Variants in NPAS3 observed in about 807,000 individuals in gnomAD.
NPAS3 encodes neuronal PAS domain-containing protein 3.
NPAS3 carries 14 observed loss-of-function variants against 73.1 expected under a neutral mutation model. The ratio of observed to expected loss-of-function variants is 0.19; its 90% CI spans 0.13 to 0.30. The LOEUF (loss-of-function observed/expected upper bound fraction) is 0.30. Ranked by LOEUF, NPAS3 falls within the 10% of genes least tolerant of loss-of-function variation. The pLI is 1.00. For synonymous variants in NPAS3, 620 were observed against 541.5 expected (o/e 1.14, Z -2.01); for missense variants, 1,096 against 1,250.0 (o/e 0.88, Z 1.86).
In NPAS3 at chr14:33,441,491, C is replaced by T. The variant is rs191494207; in HGVS notation, c.468+74223C>T. On this transcript the variant is annotated intron_variant, in intron 4 of 11. Coordinates refer to ENST00000356141, the Ensembl canonical transcript of NPAS3. Reference sequence around the variant, plus strand: ...CCTTGGAAATCTTATTGATCAAAATCATCCAACTGCTGTTTGAATATTTCC... The same window carrying T: ...CCTTGGAAATCTTATTGATCAAAATTATCCAACTGCTGTTTGAATATTTCC... 8.8e-4 allele frequency among the ~76,000 whole-genome samples: 134 copies of T among 152,310 alleles called. 1 individual carries two copies. The highest frequency in any genetic ancestry group is 2.6e-4 in the Non-Finnish European group (18 of 68,024).
chr14:33,790,089 C>CTG, intron 9 of NPAS3, among the ~76,000 whole-genome samples: 1 of 152,176 alleles, frequency 6.6e-6, no homozygotes, highest in Admixed American at 6.5e-5. Context: ...ATTAGAATCT[C>CTG]TCCTTCTAGT....
At chr14:33,780,412 A>C (rs1321171732) in intron 9 of NPAS3, among the ~76,000 whole-genome samples, 1 of 152,242 alleles carries the variant, frequency 6.6e-6, no homozygotes, top group Non-Finnish European at 1.5e-5. Context: ...TTTTGGAATA[A>C]TACAGGCTAG....
intron 3 of NPAS3, among the ~76,000 whole-genome samples, chr14:33,341,783 T>TA (rs2044496035): frequency 6.6e-6 from 1 of 152,324 alleles, no homozygotes; most frequent in Middle Eastern, 3.4e-3. Context: ...AGATTCCATG[T>TA]AGCACAGTTA....
chr14:33,199,309 CTT>C (rs1223296858), intron 2 of NPAS3, among the ~76,000 whole-genome samples: 3 of 152,334 alleles, frequency 2.0e-5, no homozygotes, highest in African/African-American at 7.2e-5. Context: ...CCTCTGTCTA[CTT>C]TTTGAAAAAT....
intron 5 of NPAS3, among the ~76,000 whole-genome samples, chr14:33,571,849 A>G (rs1200745062): frequency 3.3e-5 from 5 of 152,212 alleles, no homozygotes; most frequent in Non-Finnish European, 7.3e-5. Flanking sequence ...GCTTTTGGTA[A>G]TAGCAATTAT....
intron 3 of NPAS3, among the ~76,000 whole-genome samples, chr14:33,310,318 T>G (rs1466073893): frequency 2.0e-5 from 3 of 151,666 alleles, no homozygotes; most frequent in Admixed American, 2.0e-4. Flanking sequence ...AAAAAAAGTA[T>G]AGCTTAAAGG....
chr14:33,110,056 T>C (rs967821873), intron 2 of NPAS3, among the ~76,000 whole-genome samples: 2 of 152,210 alleles, frequency 1.3e-5, no homozygotes, highest in Non-Finnish European at 1.5e-5. Context: ...GAGAGCTCTC[T>C]GTAATAGTAT....
intron 2 of NPAS3, among the ~76,000 whole-genome samples, chr14:33,063,942 C>A (rs1274940390): frequency 2.6e-5 from 4 of 152,078 alleles, no homozygotes; most frequent in Non-Finnish European, 5.9e-5. Context: ...GTCATAATGA[C>A]TATGGAGATG....
chr14:33,725,251 C>G (rs1304426653), intron 6 of NPAS3, among the ~76,000 whole-genome samples: 1 of 151,782 alleles, frequency 6.6e-6, no homozygotes, highest in Non-Finnish European at 1.5e-5. Context: ...TACCCTAGAA[C>G]TTGAAGTATA....
intron 5 of NPAS3, among the ~76,000 whole-genome samples, chr14:33,582,536 GT>G (rs1315470009): frequency 6.6e-6 from 1 of 152,104 alleles, no homozygotes; most frequent in Non-Finnish European, 1.5e-5. Context: ...TTCCAGTTTG[GT>G]TTTATGTTAA....
chr14:33,393,221 G>A (rs1260634463), intron 4 of NPAS3, among the ~76,000 whole-genome samples: 1 of 152,122 alleles, frequency 6.6e-6, no homozygotes, highest in Admixed American at 6.6e-5. Flanking sequence ...TTAATTTGGG[G>A]AGCATTGTTA....
chr14:33,673,499 A>G (rs2059669489), intron 5 of NPAS3, among the ~76,000 whole-genome samples: 2 of 152,266 alleles, frequency 1.3e-5, no homozygotes, highest in South Asian at 4.1e-4. Flanking sequence ...ACACAAAATT[A>G]CACAATAATA....
intron 5 of NPAS3, among the ~76,000 whole-genome samples, chr14:33,644,676 G>C (rs2058771770): frequency 6.6e-6 from 1 of 152,066 alleles, no homozygotes; most frequent in Admixed American, 6.6e-5. Context: ...GCGGAACCCG[G>C]GGCTTCTCCA....
intron 9 of NPAS3, among the ~76,000 whole-genome samples, chr14:33,779,919 A>G (rs935171807): frequency 6.6e-6 from 1 of 152,180 alleles, no homozygotes; most frequent in African/African-American, 2.4e-5. Flanking sequence ...TGGCCTTTGT[A>G]TTTACCTCCT....
chr14:33,545,541 AT>A (rs944977450), intron 4 of NPAS3, among the ~76,000 whole-genome samples: 3 of 152,206 alleles, frequency 2.0e-5, no homozygotes, highest in African/African-American at 7.2e-5. Flanking sequence ...GCTCAGGTCT[AT>A]TTGAGTTCAA....
At position 32,962,047 on chromosome 14, in the gene NPAS3, G is replaced by T. The variant is rs556181301; in HGVS notation, c.50+22681G>T. Among the ~76,000 whole-genome samples the T allele has an allele frequency of 1.2e-3, 189 of 151,978 alleles. 2 individuals are homozygous for T. The South Asian group carries it at 0.025, about 20-fold the overall frequency. On this transcript the variant is annotated intron_variant, in intron 1 of 11. Transcript: ENST00000356141. ...TTGCAGCTTTGGGGTCAAAACAGGT[G>T]ATAAGAAAAAAAAGGAACCTGAATT...
At chr14:32,969,760 A>G (rs981907984) in intron 1 of NPAS3, among the ~76,000 whole-genome samples, 2 of 152,162 alleles carry the variant, frequency 1.3e-5, no homozygotes, top group Non-Finnish European at 2.9e-5. Flanking sequence ...CTGCTAATGG[A>G]AAGTAAATGA....
intron 7 of NPAS3, among the ~76,000 whole-genome samples, chr14:33,769,013 C>T (rs1192513433): frequency 6.6e-6 from 1 of 152,124 alleles, no homozygotes; most frequent in Non-Finnish European, 1.5e-5. Context: ...AAAAAGGGTG[C>T]TTAAGAGCTT....
intron 4 of NPAS3, among the ~76,000 whole-genome samples, chr14:33,517,956 T>C (rs1480138787): frequency 2.6e-5 from 4 of 151,940 alleles, no homozygotes; most frequent in Admixed American, 2.0e-4. Flanking sequence ...CCTGAACCAA[T>C]ATAGGTGCCC....
Sources: allele counts gnomAD v4.1 joint callset (sites outside exome capture counted in the v4.1 genomes callset), GRCh38; gene constraint gnomAD v4.1.1; transcripts MANE v1.5; gene names NCBI Gene and HGNC (gene_info 2026-07-23, HGNC 2026-07-21).